Variants in KIDINS220 observed in about 807,000 individuals in gnomAD.
KIDINS220 encodes the protein kinase D-interacting substrate of 220 kDa.
KIDINS220 carries 63 observed loss-of-function variants against 157.6 expected under a neutral mutation model. That is an observed-to-expected ratio of 0.40 (90% confidence interval 0.33 to 0.49). The LOEUF is 0.49. Ranked by LOEUF, KIDINS220 falls within the 20% of genes least tolerant of loss-of-function variation. KIDINS220 has a pLI of 0.66. For missense variants in KIDINS220, 1,772 were observed against 2,171.2 expected, an observed-to-expected ratio of 0.82 and a Z score of 3.65; for synonymous variants, 732 against 783.6, an observed-to-expected ratio of 0.93 and a Z score of 1.10.
At chr2:8,811,936 G>A (rs1676381080) in intron 6 of KIDINS220, among the ~76,000 whole-genome samples, 1 of 152,130 alleles carries the variant, frequency 6.6e-6, no homozygotes, top group South Asian at 2.1e-4. Flanking sequence ...AAGGAACCAT[G>A]GCGGACAAGC....
rs1663988790 is a variant in KIDINS220, at chr2:8,730,972, ATTG to A, written c.5061_5063del (p.Asn1688del). 7 of 1,614,132 alleles carry A rather than the reference ATTG, an allele frequency of 4.3e-6. No homozygotes were observed. Among genetic ancestry groups the A allele is most frequent in the Middle Eastern group, 1.6e-4 (1 of 6,062 alleles). ...GATTGGCTCTGTTGGCTGGAGCACT[ATTG>A]TTGTTCAGAGTCACGGTGCTGGGAG... On this transcript the variant is annotated inframe_deletion, in exon 30 of 30. Coordinates refer to ENST00000256707, the MANE Select transcript of KIDINS220 (RefSeq NM_020738.4).
At position 8,824,825 on chromosome 2, in the gene KIDINS220, T is replaced by C. The variant is rs910257688; in HGVS notation, c.108+2161A>G. On this transcript the variant is annotated intron_variant, in intron 2 of 29. Coordinates refer to ENST00000256707, the MANE Select transcript of KIDINS220 (RefSeq NM_020738.4). ...AAGAAAATGTGCTACGTACATACAA[T>C]GAAATATTATTCAGCCTTAAAAAGG... is the stretch of plus-strand genomic sequence containing the variant. Among the ~76,000 whole-genome samples the C allele has an allele frequency of 1.4e-4, 22 of 152,142 alleles. 1 individual carries two copies. The highest frequency in any genetic ancestry group is 2.2e-4 in the Non-Finnish European group (15 of 68,004).
chr2:8,778,771 G>A (rs1671308245), intron 19 of KIDINS220, 44 bp from the exon 20 acceptor site: 1 of 1,590,868 alleles, frequency 6.3e-7, no homozygotes, highest in Non-Finnish European at 8.6e-7. Flanking sequence ...CCAAAATTCT[G>A]TTGTATATGA....
chr2:8,796,149 T>C (rs556545263), intron 11 of KIDINS220, among the ~76,000 whole-genome samples: 10 of 152,298 alleles, frequency 6.6e-5, no homozygotes, highest in Non-Finnish European at 1.2e-4. Flanking sequence ...AACCATATCA[T>C]TCATCAGAGG....
chr2:8,777,014 A>G (rs1671058859), intron 20 of KIDINS220, 122 bp from the exon 21 acceptor site: 3 of 985,072 alleles, frequency 3.0e-6, no homozygotes, highest in Non-Finnish European at 3.0e-6. Context: ...TCAAAGAGGA[A>G]TATCATACAG....
intron 1 of KIDINS220, among the ~76,000 whole-genome samples, 168 bp downstream of exon 1, chr2:8,837,312 C>T (rs757918205): frequency 1.3e-5 from 2 of 152,126 alleles, no homozygotes; most frequent in Non-Finnish European, 2.9e-5. Flanking sequence ...CGTCCGGGGC[C>T]CGCGCCATGC....
At chr2:8,787,355 A>C (rs1012063974) in intron 15 of KIDINS220, among the ~76,000 whole-genome samples, 2 of 151,210 alleles carry the variant, frequency 1.3e-5, no homozygotes, top group Non-Finnish European at 2.9e-5. Context: ...CTTATAACTA[A>C]AAAATTTTCA....
intron 13 of KIDINS220, 137 bp from the exon 14 acceptor site, chr2:8,790,196 C>G (rs1673002943): frequency 1.3e-6 from 1 of 743,128 alleles, no homozygotes; most frequent in Admixed American, 3.4e-5. Context: ...AATACTGCCA[C>G]TTAACCATTT....
At chr2:8,788,036 A>G (rs1672660615) in intron 15 of KIDINS220, among the ~76,000 whole-genome samples, 2 of 152,170 alleles carry the variant, frequency 1.3e-5, no homozygotes, top group South Asian at 2.1e-4. Flanking sequence ...GTGTGTTCCA[A>G]AAGATGGTAA....
chr2:8,781,530 C>T (rs1032470517), intron 17 of KIDINS220, among the ~76,000 whole-genome samples: 1 of 152,018 alleles, frequency 6.6e-6, no homozygotes, highest in African/African-American at 2.4e-5. Flanking sequence ...CCATAAAACA[C>T]GCCATAACAA....
chr2:8,808,769 T>A (rs762160295), intron 6 of KIDINS220, among the ~76,000 whole-genome samples: 10 of 152,212 alleles, frequency 6.6e-5, no homozygotes, highest in Non-Finnish European at 1.3e-4. Flanking sequence ...TATTCCCTCT[T>A]CCTAATAGGT....
At position 8,791,021 on chromosome 2, in the gene KIDINS220, G is replaced by A. The variant is rs755949760; in HGVS notation, c.1441+39C>T. On this transcript the variant is annotated intron_variant, in intron 13 of 29. Transcript: ENST00000256707. ...CAGAAAAATCCCCAGAGAAAACCTT[G>A]CTTTATATATACAGACTTTGTACAA... 11 of 1,554,218 alleles carry A rather than the reference G, an allele frequency of 7.1e-6. No individual in the cohort carries two copies. The South Asian group carries it at 1.2e-4, about 17-fold the overall frequency.
At chr2:8,752,154 A>G (rs982987905) in intron 22 of KIDINS220, among the ~76,000 whole-genome samples, 2 of 152,028 alleles carry the variant, frequency 1.3e-5, no homozygotes, top group African/African-American at 4.8e-5. Context: ...AGGGTAGCTA[A>G]GACTACAGGC....
At chr2:8,812,294 T>C in intron 6 of KIDINS220, 101 bp downstream of exon 6, 1 of 462,904 alleles carries the variant, frequency 2.2e-6, no homozygotes, top group Non-Finnish European at 3.8e-6. Context: ...AAATATAAAA[T>C]ACATTAGAGA....
chr2:8,769,052 T>C (rs1055911656), intron 22 of KIDINS220, among the ~76,000 whole-genome samples: 1 of 152,174 alleles, frequency 6.6e-6, no homozygotes, highest in Admixed American at 6.5e-5. Flanking sequence ...AGCCCAGTCA[T>C]AGATGGCAAG....
intron 22 of KIDINS220, among the ~76,000 whole-genome samples, chr2:8,767,222 G>A (rs1405960434): frequency 1.3e-5 from 2 of 152,056 alleles, no homozygotes; most frequent in African/African-American, 4.8e-5. Context: ...TGCGGTCAAA[G>A]CAAGTGTGTT....
chr2:8,819,370 G>A (rs187730800), intron 2 of KIDINS220, among the ~76,000 whole-genome samples: 1 of 152,180 alleles, frequency 6.6e-6, no homozygotes, highest in African/African-American at 2.4e-5. Flanking sequence ...ATGAGTCACA[G>A]GAGTACAGAG....
chr2:8,780,295 TAGAC>T (rs1184036824), intron 17 of KIDINS220, among the ~76,000 whole-genome samples: 4 of 152,240 alleles, frequency 2.6e-5, no homozygotes, highest in African/African-American at 9.6e-5. Context: ...CTTATATTAT[TAGAC>T]AGTAGTTGCT....
chr2:8,721,091 T>TA (rs1211024070), downstream of KIDINS220: 1 of 152,126 alleles, frequency 6.6e-6, no homozygotes, highest in Non-Finnish European at 1.5e-5. Context: ...CTTTTTTCCT[T>TA]ATGAGACCAC....
Sources: allele counts gnomAD v4.1 joint callset (sites outside exome capture counted in the v4.1 genomes callset), GRCh38; gene constraint gnomAD v4.1.1; transcripts MANE v1.5; gene names NCBI Gene and HGNC (gene_info 2026-07-23, HGNC 2026-07-21).